STIM2: variants seen among roughly 807,000 people sequenced by gnomAD.
The protein encoded by STIM2 is stromal interaction molecule 2.
In STIM2, 31 loss-of-function variants were observed where a neutral mutation model predicts 85.8. The observed-to-expected ratio is 0.36, with a 90% CI of 0.27 to 0.49. STIM2 has a LOEUF of 0.49. Among genes scored for constraint, STIM2 ranks in the 20% least tolerant of loss-of-function variants. The pLI is 0.98. For synonymous variants in STIM2, 356 were observed against 331.1 expected (o/e 1.08, Z -0.82); for missense variants, 841 against 927.6 (o/e 0.91, Z 1.21).
rs549727460 is a variant in STIM2 at position 26,884,192 on chromosome 4, G to A, written c.151+22823G>A. On this transcript the variant is annotated intron_variant, in intron 1 of 11. Coordinates refer to ENST00000467087, the MANE Select transcript of STIM2 (RefSeq NM_020860.4). ...CCTGCAAACAGTCCTGAGCCCCTTC[G>A]ATGTGGGAGACTGTGTGTGCCTGGT... 2.6e-4 allele frequency among the ~76,000 whole-genome samples: 40 copies of A among 152,260 alleles called. No homozygotes were observed. The South Asian group carries it at 8.1e-3, about 31-fold the overall frequency.
intron 3 of STIM2, among the ~76,000 whole-genome samples, chr4:26,974,964 C>G (rs1431583387): frequency 6.6e-6 from 1 of 152,092 alleles, no homozygotes; most frequent in Non-Finnish European, 1.5e-5. Flanking sequence ...CTGACCTTGT[C>G]TTCTCACTTT....
chr4:27,002,941 A>G lies in STIM2; in HGVS notation c.818A>G (p.Gln273Arg). The change falls in exon 7 of 12, where the codon CAG becomes CGG. Residue 273 changes from glutamine to arginine, a missense_variant. Coordinates refer to ENST00000467087, the MANE Select transcript of STIM2 (RefSeq NM_020860.4). ...TGTTCTATAAGGCTTGAAAAGGCAC[A>G]GGAAGAAAACAGAAATGTTGCTGTA... 6 of 1,571,392 alleles carry G rather than the reference A, an allele frequency of 3.8e-6. No individual in the cohort carries two copies. The highest frequency in any genetic ancestry group is 5.1e-6 in the Non-Finnish European group (6 of 1,165,356).
chr4:26,898,817 C>T (rs1017313351), intron 1 of STIM2, among the ~76,000 whole-genome samples: 1 of 152,030 alleles, frequency 6.6e-6, no homozygotes, highest in African/African-American at 2.4e-5. Context: ...ATTTTGATGA[C>T]ATTAAAAAAT....
intron 2 of STIM2, among the ~76,000 whole-genome samples, chr4:26,951,043 A>G (rs1012554298): frequency 6.6e-6 from 1 of 151,970 alleles, no homozygotes. Flanking sequence ...TTTCTTTTTT[A>G]TTAAGGGTAA....
chr4:26,896,685 C>A (rs570572813), intron 1 of STIM2, among the ~76,000 whole-genome samples: 1 of 152,028 alleles, frequency 6.6e-6, no homozygotes, highest in Non-Finnish European at 1.5e-5. Context: ...TTATCAAAAC[C>A]GGGGAAAACT....
intron 1 of STIM2, among the ~76,000 whole-genome samples, chr4:26,891,833 G>T (rs958831399): frequency 2.6e-5 from 4 of 152,166 alleles, no homozygotes; most frequent in Admixed American, 2.0e-4. Flanking sequence ...ATTTCACCGA[G>T]GTGGAAGGCT....
chr4:26,861,695 AT>A (rs57976994), intron 1 of STIM2: 26,273 of 124,032 alleles, frequency 0.21, 2,336 homozygotes, highest in East Asian at 0.37. Context: ...GACTGGGCTG[AT>A]TTTTTTTTTT....
intron 3 of STIM2, among the ~76,000 whole-genome samples, chr4:26,961,764 T>C (rs1726481722): frequency 1.3e-5 from 2 of 151,906 alleles, no homozygotes; most frequent in African/African-American, 4.8e-5. Flanking sequence ...CCCCATGGCA[T>C]CTTTTTTTTT....
At chr4:27,013,639 AG>A (rs2109141432) in intron 10 of STIM2, among the ~76,000 whole-genome samples, 1 of 152,094 alleles carries the variant, frequency 6.6e-6, no homozygotes, top group East Asian at 1.9e-4. Flanking sequence ...CAGGACACTG[AG>A]TGGGAGGCAC....
At chr4:26,917,741 A>G (rs1344758566) in intron 1 of STIM2, among the ~76,000 whole-genome samples, 2 of 152,148 alleles carry the variant, frequency 1.3e-5, no homozygotes, top group Non-Finnish European at 2.9e-5. Flanking sequence ...CTTTCCTTAT[A>G]TACCAGTTGG....
In STIM2 at chr4:26,927,856, AATT is replaced by A. The variant is rs543142802; in HGVS notation, c.282+8228_282+8230del. Among the ~76,000 whole-genome samples, 378 of 135,884 alleles carry A rather than the reference AATT, an allele frequency of 2.8e-3. 2 individuals carry two copies. Among genetic ancestry groups the A allele is most frequent in the East Asian group, 0.01 (53 of 5,124 alleles). 89.1% of individuals were successfully genotyped at this position (135,884 alleles called of 152,430 possible). A position where few individuals can be genotyped will look rare whatever the true frequency, so the allele number is the denominator to read the frequency against. Reference sequence around the variant, plus strand: ...TTATATAAATTATATATTAATATATAATTATTATATAAATTATATATTAATATA... The same window carrying A: ...TTATATAAATTATATATTAATATATAATTATATAAATTATATATTAATATA... On this transcript the variant is annotated intron_variant, in intron 2 of 11. Coordinates refer to ENST00000467087, the MANE Select transcript of STIM2 (RefSeq NM_020860.4).
intron 2 of STIM2, among the ~76,000 whole-genome samples, chr4:26,929,803 G>A (rs972543819): frequency 2.0e-5 from 3 of 152,138 alleles, no homozygotes; most frequent in African/African-American, 7.2e-5. Context: ...GCCTTTAAGT[G>A]AACATTCAGG....
At chr4:26,947,155 T>C (rs1230147674) in intron 2 of STIM2, among the ~76,000 whole-genome samples, 1 of 152,122 alleles carries the variant, frequency 6.6e-6, no homozygotes, top group Non-Finnish European at 1.5e-5. Flanking sequence ...TAGCTCCAAG[T>C]GTTGTATTCT....
chr4:26,991,025 T>G (rs1577483327), intron 3 of STIM2, among the ~76,000 whole-genome samples: 1 of 151,748 alleles, frequency 6.6e-6, no homozygotes, highest in South Asian at 2.1e-4. Flanking sequence ...AGTATGGAGG[T>G]TTCTCAAAAA....
chr4:27,005,158 T>G (rs1245586474), intron 7 of STIM2, among the ~76,000 whole-genome samples: 1 of 152,226 alleles, frequency 6.6e-6, no homozygotes, highest in Non-Finnish European at 1.5e-5. Flanking sequence ...ATTACTGTAT[T>G]TTGTCTGGAG....
At chr4:26,887,339 A>T (rs575202489) in intron 1 of STIM2, among the ~76,000 whole-genome samples, 1 of 152,084 alleles carries the variant, frequency 6.6e-6, no homozygotes, top group Admixed American at 6.5e-5. Context: ...CTAAGATCAC[A>T]CCGTGCTGTT....
chr4:26,984,694 T>C (rs1727518839), intron 3 of STIM2, among the ~76,000 whole-genome samples: 1 of 152,210 alleles, frequency 6.6e-6, no homozygotes, highest in African/African-American at 2.4e-5. Context: ...GATATATCTT[T>C]GTTATTTCTC....
rs180721638 is a variant in STIM2, at chr4:26,865,509, G to T, written c.151+4140G>T. 2.2e-3 allele frequency among the ~76,000 whole-genome samples: 331 copies of T among 152,154 alleles called. 1 individual carries two copies. The highest frequency in any genetic ancestry group is 0.014 in the Middle Eastern group (4 of 294). Reference sequence around the variant, plus strand: ...TGCTAGTATTTTCAGATTAATTTAGGCTCTTTTTGCGTAATGATATCAAGG... The same window carrying T: ...TGCTAGTATTTTCAGATTAATTTAGTCTCTTTTTGCGTAATGATATCAAGG... On this transcript the variant is annotated intron_variant, in intron 1 of 11. Coordinates refer to ENST00000467087, the MANE Select transcript of STIM2 (RefSeq NM_020860.4).
intron 7 of STIM2, among the ~76,000 whole-genome samples, chr4:27,004,469 C>T (rs564811306): frequency 1.6e-4 from 25 of 152,048 alleles, no homozygotes; most frequent in Non-Finnish European, 2.6e-4. Flanking sequence ...ATCCAACTCT[C>T]GGTTTGTTCT....
Sources: allele counts gnomAD v4.1 joint callset (sites outside exome capture counted in the v4.1 genomes callset), GRCh38; gene constraint gnomAD v4.1.1; transcripts MANE v1.5; gene names NCBI Gene and HGNC (gene_info 2026-07-23, HGNC 2026-07-21).